AMHR2: variants seen among roughly 807,000 people sequenced by gnomAD.
The protein encoded by AMHR2 is anti-Muellerian hormone type-2 receptor.
In AMHR2, 36 loss-of-function variants were observed where a neutral mutation model predicts 61.4. The ratio of observed to expected loss-of-function variants is 0.59; its 90% CI spans 0.45 to 0.77. The LOEUF (loss-of-function observed/expected upper bound fraction) is 0.77. Ranked by LOEUF, AMHR2 falls within the 30% of genes least tolerant of loss-of-function variation. The probability of loss-of-function intolerance (pLI) is 0.00; values close to 1 mark genes in which losing one functional copy is unlikely to be tolerated. For missense variants in AMHR2, 638 were observed against 714.6 expected, an observed-to-expected ratio of 0.89 and a Z score of 1.22; for synonymous variants, 258 against 279.4, an observed-to-expected ratio of 0.92 and a Z score of 0.76.
rs931416021 is a variant in AMHR2, at chr12:53,431,089, G to C, written c.1426-88G>C. 1.2e-5 allele frequency: 18 copies of C among 1,477,636 alleles called. No homozygotes were observed. In the African/African-American group the frequency reaches 1.8e-4, roughly 15 times the overall value. The allele number at this position is 1,477,636 out of a possible 1,614,324, so 91.5% of individuals were successfully genotyped here. A position where few individuals can be genotyped will look rare whatever the true frequency, so the allele number is the denominator to read the frequency against. On this transcript the variant is annotated intron_variant, in intron 10 of 10. Coordinates refer to ENST00000257863, the MANE Select transcript of AMHR2 (RefSeq NM_020547.3). The stretch of plus-strand genomic sequence containing the variant: ...GATCAGAAGTGGATGTTGAAAGCAG[G>C]AGAGTGATGGACACTGAAGATGGCT...
rs1939340039 is a variant in AMHR2, at chr12:53,424,339, G to A, written c.101G>A (p.Gly34Glu). Residue 34 changes from glycine (G) to glutamate (E), a missense_variant, in exon 2 of 11, where the codon GGA (glycine) becomes GAA (glutamate). Physicochemically the swap from Gly to Glu is moderately conservative, Grantham distance 98. Transcript: ENST00000257863. ...TTCTTTGAGGCCCCTGGAGTGCGGG[G>A]AAGCACAAAGACACTGGGAGAGCTG... ...CVFFEAPGVR[G>E]STKTLGELLD... 1 of 1,613,212 alleles carries A rather than the reference G, an allele frequency of 6.2e-7. No homozygotes were observed. Among genetic ancestry groups the A allele is most frequent in the Non-Finnish European group, 8.5e-7 (1 of 1,180,034 alleles).
chr12:53,430,426 G>A, intron 10 of AMHR2, 144 bp downstream of exon 10: 1 of 1,308,866 alleles, frequency 7.6e-7, no homozygotes, highest in Non-Finnish European at 1.1e-6. Context: ...CTGGAACTGG[G>A]CAAGCCTCCT....
chr12:53,425,443 T>A lies in AMHR2; in HGVS notation c.503-12T>A. The A allele has an allele frequency of 6.2e-7, 1 of 1,613,638 alleles. No homozygotes were observed. Among genetic ancestry groups the A allele is most frequent in the East Asian group, 2.2e-5 (1 of 44,884 alleles). ...ATTTGCACCCTGACCCTAAGGCTCT[T>A]GTCTGTTCCAGCCCTGCTACAGCGA... is the stretch of plus-strand genomic sequence containing the variant. On this transcript the variant is annotated splice_polypyrimidine_tract_variant and intron_variant, in intron 4 of 10. Coordinates refer to ENST00000257863, the MANE Select transcript of AMHR2 (RefSeq NM_020547.3).
chr12:53,424,683 C>T (rs1423626762), intron 2 of AMHR2, 26 bp from the exon 3 acceptor site: 3 of 1,610,026 alleles, frequency 1.9e-6, no homozygotes, highest in Non-Finnish European at 1.7e-6. Flanking sequence ...CCTTTCTCTC[C>T]TCTTCCCCTA....
intron 6 of AMHR2, among the ~76,000 whole-genome samples, chr12:53,427,581 T>G (rs149427537): frequency 6.6e-6 from 1 of 152,262 alleles, no homozygotes; most frequent in Non-Finnish European, 1.5e-5. Flanking sequence ...TTTTGTATTT[T>G]TAGTAGAGAC....
intron 6 of AMHR2, among the ~76,000 whole-genome samples, chr12:53,427,380 T>C (rs909396957): frequency 6.6e-6 from 1 of 152,188 alleles, no homozygotes; most frequent in African/African-American, 2.4e-5. Flanking sequence ...CTGCTAGGCA[T>C]TACGCTACCC....
At chr12:53,429,265 G>GGACA (rs1939894665) in intron 7 of AMHR2, among the ~76,000 whole-genome samples, 188 bp from the exon 8 acceptor site, 4 of 152,076 alleles carry the variant, frequency 2.6e-5, no homozygotes, top group Non-Finnish European at 5.9e-5. Context: ...GGTGGCATGT[G>GGACA]CCTGTAGTCC....
chr12:53,429,761 T>C (rs1306011250), intron 8 of AMHR2, 70 bp from the exon 9 acceptor site: 17 of 1,610,022 alleles, frequency 1.1e-5, no homozygotes, highest in Non-Finnish European at 1.4e-5. Context: ...GGGGGGATAT[T>C]GCATGGACCA....
chr12:53,425,224 C>T lies in AMHR2; in HGVS notation c.484C>T (p.Leu162=). 6.2e-7 allele frequency: 1 copy of T among 1,613,844 alleles called. No homozygotes were observed. Among genetic ancestry groups the T allele is most frequent in the Non-Finnish European group, 8.5e-7 (1 of 1,180,006 alleles). Residue 162 remains leucine, a synonymous_variant, in exon 4 of 11, where the codon CTG becomes TTG. Transcript: ENST00000257863. ...LGLFLLLLLL[L]GSIILALLQR... The stretch of plus-strand genomic sequence containing the variant: ...GCTGTTCCTCCTCCTCCTGCTGCTG[C>T]TGGGCAGCATCATCTTGGGTACTAA...
At chr12:53,431,005 G>A in intron 10 of AMHR2, 172 bp from the exon 11 acceptor site, 4 of 809,294 alleles carry the variant, frequency 4.9e-6, no homozygotes, top group Non-Finnish European at 2.0e-6. Flanking sequence ...TGTTTCATAG[G>A]GAGCAAGACT....
chr12:53,429,664 T>A (rs764787738), intron 8 of AMHR2, 39 bp downstream of exon 8: 1 of 1,610,260 alleles, frequency 6.2e-7, no homozygotes, highest in Non-Finnish European at 8.5e-7. Flanking sequence ...CAGGATGATG[T>A]TGGTGCTGCT....
At chr12:53,428,308 C>T (rs11170553) in intron 6 of AMHR2, among the ~76,000 whole-genome samples, 7,061 of 152,298 alleles carry the variant, frequency 0.046, 214 homozygotes, top group Non-Finnish European at 0.076. Context: ...TCCCTTCCCT[C>T]CAATTCCCAC....
At position 53,424,441 on chromosome 12, in the gene AMHR2, C is replaced by T. The variant is rs1416344068; in HGVS notation, c.203C>T (p.Thr68Ile). The T allele has an allele frequency of 1.2e-6, 2 of 1,613,474 alleles. No individual in the cohort carries two copies. The highest frequency in any genetic ancestry group is 1.3e-5 in the African/African-American group (1 of 74,982). ...TGCTGCTTTGGGATCTGGAACCTGA[C>T]CCAAGACCGGGCACAGGTGGAAATG... is the stretch of plus-strand genomic sequence containing the variant. The part of the protein sequence containing the change: ...SRCCFGIWNL[T>I]QDRAQVEMQG... Residue 68 changes from threonine (T) to isoleucine (I), a missense_variant, in exon 2 of 11, where the codon ACC (threonine) becomes ATC (isoleucine). By Grantham distance (89) the Thr-to-Ile change is moderately conservative. Transcript: ENST00000257863.
chr12:53,427,840 C>G (rs1016430266), intron 6 of AMHR2, among the ~76,000 whole-genome samples: 4 of 152,228 alleles, frequency 2.6e-5, no homozygotes, highest in African/African-American at 7.2e-5. Flanking sequence ...GGCTCCTCAT[C>G]ATCGTGTCTA....
chr12:53,429,841 A>C lies in AMHR2; in HGVS notation c.1151A>C (p.Gln384Pro). The C allele has an allele frequency of 6.2e-7, 1 of 1,614,182 alleles. No homozygotes were observed. The highest frequency in any genetic ancestry group is 8.5e-7 in the Non-Finnish European group (1 of 1,180,032). ...GPAAIMEAGT[Q>P]RYMAPELLDK... Reference sequence around the variant, plus strand: ...TGCCTTGCTCTCCAGGCTGGCACCCAGAGGTACATGGCACCAGAGCTCTTG... The same window carrying C: ...TGCCTTGCTCTCCAGGCTGGCACCCCGAGGTACATGGCACCAGAGCTCTTG... Residue 384 changes from glutamine (Q) to proline (P), a missense_variant, in exon 9 of 11, where the codon CAG (glutamine) becomes CCG (proline). Gln to Pro is a moderately conservative substitution (Grantham distance 76). Coordinates refer to ENST00000257863, the MANE Select transcript of AMHR2 (RefSeq NM_020547.3).
intron 6 of AMHR2, among the ~76,000 whole-genome samples, chr12:53,427,088 T>C (rs1939668066): frequency 6.6e-6 from 1 of 152,136 alleles, no homozygotes; most frequent in Admixed American, 6.5e-5. Flanking sequence ...TCAGGCACTA[T>C]GCTAGAGGCC....
At position 53,425,218 on chromosome 12, in the gene AMHR2, C is replaced by G. The variant is rs751245120; in HGVS notation, c.478C>G (p.Leu160Val). 1 of 1,613,910 alleles carries G rather than the reference C, an allele frequency of 6.2e-7. No individual in the cohort carries two copies. Among genetic ancestry groups the G allele is most frequent in the Admixed American group, 1.7e-5 (1 of 60,014 alleles). The part of the protein sequence containing the change: ...VLLGLFLLLL[L>V]LLGSIILALL... ...GCTGGGGCTGTTCCTCCTCCTCCTGCTGCTGCTGGGCAGCATCATCTTGGG... is the reference window on the plus strand; with the variant it reads ...GCTGGGGCTGTTCCTCCTCCTCCTGGTGCTGCTGGGCAGCATCATCTTGGG... Residue 160 changes from leucine to valine, a missense_variant, in exon 4 of 11, where the codon CTG becomes GTG. Physicochemically the swap from Leu to Val is conservative, Grantham distance 32. Transcript: ENST00000257863.
intron 10 of AMHR2, 160 bp downstream of exon 10, chr12:53,430,442 C>G (rs1395287835): frequency 2.7e-6 from 3 of 1,101,962 alleles, no homozygotes; most frequent in Non-Finnish European, 4.0e-6. Context: ...CTCCTCTCCC[C>G]GTCAGTTCAT....
Position 53,425,882 on chromosome 12 carries a change from T to A in AMHR2, c.815T>A (p.Leu272His). ...TASRGGPGRL[L>H]SGPLLVLELH... The stretch of plus-strand genomic sequence containing the variant: ...AGCCGGGGGGGTCCTGGCCGCCTGC[T>A]CTCTGGGCCCCTGCTGGTACTGGAA... The change falls in exon 6 of 11, where the codon CTC (leucine) becomes CAC (histidine). Residue 272 changes from leucine to histidine, a missense_variant. Transcript: ENST00000257863. 6.2e-7 allele frequency: 1 copy of A among 1,613,990 alleles called. No individual in the cohort carries two copies.
Sources: allele counts gnomAD v4.1 joint callset (sites outside exome capture counted in the v4.1 genomes callset), GRCh38; gene constraint gnomAD v4.1.1; transcripts MANE v1.5; gene names NCBI Gene and HGNC (gene_info 2026-07-23, HGNC 2026-07-21).